Variants in FOXO1 observed in about 807,000 individuals in gnomAD.
FOXO1 encodes the protein forkhead box protein O1.
In FOXO1, 6 loss-of-function variants were observed where a neutral mutation model predicts 44.1. That is an observed-to-expected ratio of 0.14 (90% CI 0.07 to 0.27). The LOEUF is 0.27. Ranked by LOEUF, FOXO1 falls within the 10% of genes least tolerant of loss-of-function variation. The probability of loss-of-function intolerance (pLI) is 1.00; values close to 1 mark genes in which losing one functional copy is unlikely to be tolerated. For synonymous variants in FOXO1, 380 were observed against 362.7 expected (o/e 1.05, Z -0.54); for missense variants, 737 against 888.8 (o/e 0.83, Z 2.17).
At chr13:40,642,531 T>C (rs865953054) in intron 1 of FOXO1, among the ~76,000 whole-genome samples, 1 of 152,224 alleles carries the variant, frequency 6.6e-6, no homozygotes, top group African/African-American at 2.4e-5. Flanking sequence ...ACTTACCCTT[T>C]GGAATCCTAA....
chr13:40,639,533 A>T (rs1023559498), intron 1 of FOXO1, among the ~76,000 whole-genome samples: 10 of 152,268 alleles, frequency 6.6e-5, no homozygotes, highest in Admixed American at 4.6e-4. Flanking sequence ...GGAAAAAAAT[A>T]AACTAATTTT....
chr13:40,658,557 A>G (rs1290429912), intron 1 of FOXO1, among the ~76,000 whole-genome samples: 3 of 152,210 alleles, frequency 2.0e-5, no homozygotes, highest in Admixed American at 6.5e-5. Flanking sequence ...GTTACCTAAG[A>G]AAATACCAGA....
At chr13:40,563,994 G>A (rs1254814934) in intron 1 of FOXO1, among the ~76,000 whole-genome samples, 3 of 152,178 alleles carry the variant, frequency 2.0e-5, no homozygotes, top group Non-Finnish European at 4.4e-5. Context: ...ACACAGATAA[G>A]CTCCGATGAA....
At chr13:40,665,423 G>A (rs551314912) in intron 1 of FOXO1, among the ~76,000 whole-genome samples, 160 bp downstream of exon 1, 2 of 151,646 alleles carry the variant, frequency 1.3e-5, no homozygotes, top group East Asian at 1.9e-4. Context: ...GTCCCCGACC[G>A]GACCCGGGCG....
Position 40,556,165 on chromosome 13 carries a change from T to C in FOXO1, c.*2884A>G, listed in dbSNP as rs1180321767. The C allele has an allele frequency of 6.6e-6, 1 of 152,250 alleles. No homozygotes were observed. The highest frequency in any genetic ancestry group is 6.5e-5 in the Admixed American group (1 of 15,284). The allele number at this position is 152,250 out of a possible 1,614,324, so 9.4% of individuals were successfully genotyped here. ...GAATTTTAAGTTGGGGCTGGGGTTA[T>C]TGGTAGCATATATCCAGCAGTTGAA... On this transcript the variant is annotated 3_prime_UTR_variant, in exon 3 of 3. Coordinates refer to ENST00000379561, the MANE Select transcript of FOXO1 (RefSeq NM_002015.4).
At chr13:40,603,301 C>T (rs1875875870) in intron 1 of FOXO1, among the ~76,000 whole-genome samples, 1 of 146,192 alleles carries the variant, frequency 6.8e-6, no homozygotes, top group Non-Finnish European at 1.5e-5. Context: ...AAGGTGTTAT[C>T]CAATCTCAAT....
At chr13:40,561,934 C>T (rs1299020347) in intron 1 of FOXO1, among the ~76,000 whole-genome samples, 1 of 136,964 alleles carries the variant, frequency 7.3e-6, no homozygotes, top group Admixed American at 7.6e-5. Flanking sequence ...GAGTTAAACA[C>T]TCTGTCGCCA....
At position 40,560,080 on chromosome 13, in the gene FOXO1, G is replaced by C. The variant is rs750423870; in HGVS notation, c.1411C>G (p.Pro471Ala). Residue 471 changes from proline (P) to alanine (A), a missense_variant, in exon 2 of 3, where the codon CCT becomes GCT. Coordinates refer to ENST00000379561, the MANE Select transcript of FOXO1 (RefSeq NM_002015.4). This position sits in a 1 kb window ranked among gnomAD's most constrained non-coding sequence, Gnocchi z 5.1. ...LLKELLTSDS[P>A]PHNDIMTPVD... is the part of the protein sequence containing the mutation. ...GGTGTCATAATGTCATTATGGGGAGGAGAGTCAGAAGTCAGCAACTCCTTC... is the reference window on the plus strand; with the variant it reads ...GGTGTCATAATGTCATTATGGGGAGCAGAGTCAGAAGTCAGCAACTCCTTC... The C allele has an allele frequency of 1.2e-6, 2 of 1,614,144 alleles. No individual in the cohort carries two copies. Among genetic ancestry groups the C allele is most frequent in the Non-Finnish European group, 1.7e-6 (2 of 1,180,028 alleles).
chr13:40,559,424 G>A, intron 2 of FOXO1, 85 bp downstream of exon 2: 1 of 1,231,488 alleles, frequency 8.1e-7, no homozygotes. Flanking sequence ...TGACATCAAA[G>A]ATGTGCTAAC....
intron 1 of FOXO1, among the ~76,000 whole-genome samples, chr13:40,632,205 A>G (rs1233893541): frequency 6.6e-6 from 1 of 152,224 alleles, no homozygotes; most frequent in Non-Finnish European, 1.5e-5. Context: ...TGGGAGGCAG[A>G]GGTAGCAGTG....
rs1006842623 is a variant in FOXO1, at chr13:40,558,718, C to T, written c.*331G>A. ...ACAATCTGTATCTACTGCTTATATA[C>T]AAAACTTGAAAGCACACCAGGATCT... On this transcript the variant is annotated 3_prime_UTR_variant, in exon 3 of 3. Transcript: ENST00000379561. 5.0e-6 allele frequency: 2 copies of T among 397,958 alleles called. No homozygotes were observed. The highest frequency in any genetic ancestry group is 2.1e-5 in the African/African-American group (1 of 48,590). 24.7% of individuals were successfully genotyped at this position (397,958 alleles called of 1,614,324 possible).
rs564691503 is a variant in FOXO1, at chr13:40,660,977, A to G, written c.630+4606T>C. Among the ~76,000 whole-genome samples the G allele has an allele frequency of 1.8e-4, 28 of 151,796 alleles. No individual in the cohort carries two copies. In the East Asian group the frequency reaches 4.7e-3, roughly 25 times the overall value. ...AACAACAACAACAACAACAACAACA[A>G]CAACAACAACAAAAATGAGAATCAT... is the stretch of plus-strand genomic sequence containing the variant. On this transcript the variant is annotated intron_variant, in intron 1 of 2. Transcript: ENST00000379561.
At chr13:40,615,636 A>C (rs55743443) in intron 1 of FOXO1, among the ~76,000 whole-genome samples, 1 of 152,058 alleles carries the variant, frequency 6.6e-6, no homozygotes, top group African/African-American at 2.4e-5. Context: ...ATTATCAACA[A>C]TGAGGTCAAG....
intron 1 of FOXO1, chr13:40,618,850 G>A: frequency 1.9e-6 from 1 of 527,806 alleles, no homozygotes. Flanking sequence ...CCACAGAGAA[G>A]AGGCCTGAGA....
At chr13:40,653,607 T>G (rs1221427617) in intron 1 of FOXO1, among the ~76,000 whole-genome samples, 1 of 152,210 alleles carries the variant, frequency 6.6e-6, no homozygotes, top group Admixed American at 6.5e-5. Context: ...TCCCTCTTCC[T>G]CCTTTCCTCA....
intron 1 of FOXO1, among the ~76,000 whole-genome samples, chr13:40,565,590 T>C (rs746361111): frequency 2.0e-5 from 3 of 152,180 alleles, no homozygotes; most frequent in Non-Finnish European, 2.9e-5. Context: ...GCTGCTCAAG[T>C]GAGCACAGGG....
At chr13:40,590,774 A>G (rs1465919073) in intron 1 of FOXO1, among the ~76,000 whole-genome samples, 1 of 152,164 alleles carries the variant, frequency 6.6e-6, no homozygotes, top group Non-Finnish European at 1.5e-5. Flanking sequence ...TTTTTTAAGA[A>G]TATCAAAATG....
chr13:40,650,757 ATTG>A (rs1051672459), intron 1 of FOXO1, among the ~76,000 whole-genome samples: 5 of 152,042 alleles, frequency 3.3e-5, no homozygotes, highest in Middle Eastern at 3.4e-3. Context: ...GTTGTTGTTA[ATTG>A]TTGTTGTTTT....
At chr13:40,663,193 T>C (rs1445258509) in intron 1 of FOXO1, among the ~76,000 whole-genome samples, 1 of 152,226 alleles carries the variant, frequency 6.6e-6, no homozygotes. Flanking sequence ...ACAGGTCTCC[T>C]AGCTCTGGCA....
Sources: allele counts gnomAD v4.1 joint callset (sites outside exome capture counted in the v4.1 genomes callset), GRCh38; gene constraint gnomAD v4.1.1; non-coding constraint Gnocchi (gnomAD v3.1); transcripts MANE v1.5; gene names NCBI Gene and HGNC (gene_info 2026-07-23, HGNC 2026-07-21).